Variants in LRRC7 observed in about 807,000 individuals in gnomAD.
LRRC7 encodes leucine-rich repeat-containing protein 7.
A neutral mutation model predicts 175.7 loss-of-function variants in LRRC7; 23 were observed. The ratio of observed to expected loss-of-function variants is 0.13; its 90% CI spans 0.09 to 0.19. The LOEUF (loss-of-function observed/expected upper bound fraction) is 0.19. Among genes scored for constraint, LRRC7 ranks in the 10% least tolerant of loss-of-function variants. The pLI, the probability that LRRC7 is intolerant of heterozygous loss-of-function variation, is 1.00. For missense variants in LRRC7, 1,354 were observed against 1,904.7 expected (o/e 0.71, Z 5.38); for synonymous variants, 685 against 680.9 (o/e 1.01, Z -0.09).
At chr1:69,789,649 T>C (rs1450095191) in intron 3 of LRRC7, among the ~76,000 whole-genome samples, 11 of 152,078 alleles carry the variant, frequency 7.2e-5, no homozygotes, top group Non-Finnish European at 1.5e-5. Context: ...CACTCTTAGC[T>C]GGAATATAGC....
chr1:69,936,515 A>G (rs1648044042), intron 8 of LRRC7, among the ~76,000 whole-genome samples: 1 of 152,174 alleles, frequency 6.6e-6, no homozygotes, highest in South Asian at 2.1e-4. Context: ...TTATAAATGT[A>G]CTTCTTCAAA....
At chr1:69,615,406 G>A (rs1488209777) in intron 1 of LRRC7, among the ~76,000 whole-genome samples, 1 of 151,888 alleles carries the variant, frequency 6.6e-6, no homozygotes, top group Non-Finnish European at 1.5e-5. Context: ...CTGGTGATAA[G>A]GTGTCTTCTC....
intron 4 of LRRC7, among the ~76,000 whole-genome samples, chr1:69,819,872 C>G (rs912633559): frequency 1.3e-5 from 2 of 152,094 alleles, no homozygotes; most frequent in Non-Finnish European, 2.9e-5. Context: ...TACTCCTGCT[C>G]TCTTTTGGTT....
chr1:69,742,176 TGTAA>T (rs1668784899), intron 2 of LRRC7, among the ~76,000 whole-genome samples: 1 of 152,082 alleles, frequency 6.6e-6, no homozygotes, highest in Non-Finnish European at 1.5e-5. Context: ...TAATTGGAAT[TGTAA>T]GTATTACTTT....
At chr1:69,953,158 C>T (rs1033198687) in intron 8 of LRRC7, among the ~76,000 whole-genome samples, 2 of 151,956 alleles carry the variant, frequency 1.3e-5, no homozygotes, top group African/African-American at 4.8e-5. Flanking sequence ...TTGTTCTTCT[C>T]GTAGTCTTTA....
intron 7 of LRRC7, among the ~76,000 whole-genome samples, chr1:69,872,515 T>C (rs1485551328): frequency 6.6e-6 from 1 of 152,076 alleles, no homozygotes; most frequent in African/African-American, 2.4e-5. Context: ...ACTTAAATGA[T>C]TTAATTCCAA....
At chr1:69,877,619 C>A (rs1169489368) in intron 7 of LRRC7, among the ~76,000 whole-genome samples, 1 of 152,088 alleles carries the variant, frequency 6.6e-6, no homozygotes, top group Non-Finnish European at 1.5e-5. Flanking sequence ...TTTCTATTAT[C>A]CAAGTGCCCA....
At chr1:69,940,209 A>G (rs1648565893) in intron 8 of LRRC7, among the ~76,000 whole-genome samples, 1 of 152,238 alleles carries the variant, frequency 6.6e-6, no homozygotes, top group African/African-American at 2.4e-5. Flanking sequence ...TCAATGCAAC[A>G]TCTCTTGACC....
intron 2 of LRRC7, among the ~76,000 whole-genome samples, chr1:69,729,688 C>T (rs1028071263): frequency 1.3e-5 from 2 of 152,172 alleles, no homozygotes; most frequent in African/African-American, 2.4e-5. Context: ...GCATTCGGTG[C>T]CTGTGGCTTT....
At chr1:69,736,227 T>C (rs1054083775) in intron 2 of LRRC7, among the ~76,000 whole-genome samples, 22 of 152,142 alleles carry the variant, frequency 1.4e-4, no homozygotes, top group African/African-American at 5.1e-4. Context: ...TGAATTCTCA[T>C]AAGATTTGAC....
intron 7 of LRRC7, among the ~76,000 whole-genome samples, chr1:69,898,398 G>T (rs1312264268): frequency 6.6e-6 from 1 of 152,138 alleles, no homozygotes; most frequent in Non-Finnish European, 1.5e-5. Context: ...TGTTCGATTG[G>T]ATTCATATGT....
chr1:70,078,816 ACACACACG>A (rs879740136), intron 24 of LRRC7, among the ~76,000 whole-genome samples: 3,587 of 129,162 alleles, frequency 0.028, 150 homozygotes, highest in African/African-American at 0.097. Context: ...GCGCGCACAC[ACACACACG>A]CACACACACA....
At chr1:69,594,047 A>T (rs1006924133) in intron 1 of LRRC7, among the ~76,000 whole-genome samples, 1 of 152,156 alleles carries the variant, frequency 6.6e-6, no homozygotes, top group Non-Finnish European at 1.5e-5. Context: ...ATTGTGGTAT[A>T]TTGAGATGGA....
intron 1 of LRRC7, among the ~76,000 whole-genome samples, chr1:69,628,298 T>A (rs1400285162): frequency 6.6e-6 from 1 of 152,080 alleles, no homozygotes; most frequent in Non-Finnish European, 1.5e-5. Flanking sequence ...GGATAGAAAG[T>A]CAACACACAA....
intron 2 of LRRC7, among the ~76,000 whole-genome samples, chr1:69,691,296 T>C (rs557498523): frequency 7.2e-5 from 11 of 152,260 alleles, no homozygotes; most frequent in South Asian, 4.1e-4. Flanking sequence ...TCCTGAAATA[T>C]TACAAAAAGA....
chr1:69,821,620 A>G (rs1371391183), intron 4 of LRRC7, among the ~76,000 whole-genome samples: 3 of 152,068 alleles, frequency 2.0e-5, no homozygotes, highest in African/African-American at 7.2e-5. Context: ...TTGTGTTCAC[A>G]TGGTGGCTCT....
intron 4 of LRRC7, among the ~76,000 whole-genome samples, chr1:69,799,618 G>A (rs1358157862): frequency 2.0e-5 from 3 of 152,122 alleles, no homozygotes; most frequent in Admixed American, 2.0e-4. Flanking sequence ...TTTATTGATG[G>A]ACACATAGGT....
intron 8 of LRRC7, among the ~76,000 whole-genome samples, chr1:69,951,203 A>T (rs1393974926): frequency 2.0e-5 from 3 of 152,048 alleles, no homozygotes; most frequent in Non-Finnish European, 4.4e-5. Flanking sequence ...AATATCACTG[A>T]TCACTAGAGA....
intron 7 of LRRC7, among the ~76,000 whole-genome samples, chr1:69,853,335 A>G (rs2101475403): frequency 7.9e-6 from 1 of 127,326 alleles, no homozygotes; most frequent in East Asian, 2.4e-4. Context: ...CTGGAGTGCA[A>G]TGGTGTGGTC....
Sources: allele counts gnomAD v4.1 joint callset (sites outside exome capture counted in the v4.1 genomes callset), GRCh38; gene constraint gnomAD v4.1.1; transcripts MANE v1.5; gene names NCBI Gene and HGNC (gene_info 2026-07-23, HGNC 2026-07-21).